Variants in MCC observed in about 807,000 individuals in gnomAD.
The protein encoded by MCC is MCC regulator of Wnt signaling pathway, also known as colorectal mutant cancer protein.
Under a neutral mutation model 116.2 loss-of-function variants are expected in MCC, and 90 were observed. The observed-to-expected ratio is 0.77, with a 90% CI of 0.65 to 0.92. The LOEUF (loss-of-function observed/expected upper bound fraction) is 0.92, where lower values mean the gene tolerates loss of function less well. MCC is among the 40% of genes least tolerant of loss of function. The probability of loss-of-function intolerance (pLI) is 0.00; values close to 1 mark genes in which losing one functional copy is unlikely to be tolerated. For synonymous variants in MCC, 578 were observed against 510.5 expected, an observed-to-expected ratio of 1.13 and a Z score of -1.78; for missense variants, 1,516 against 1,312.2, an observed-to-expected ratio of 1.16 and a Z score of -2.40.
At chr5:113,114,921 G>T (rs192394204) in intron 6 of MCC, among the ~76,000 whole-genome samples, 2 of 151,092 alleles carry the variant, frequency 1.3e-5, no homozygotes, top group South Asian at 4.1e-4. Context: ...GGTGCCATGG[G>T]CGCAGATGCT....
intron 1 of MCC, among the ~76,000 whole-genome samples, chr5:113,418,297 GAAAGA>G (rs1462501893): frequency 1.3e-5 from 2 of 150,802 alleles, no homozygotes; most frequent in South Asian, 2.1e-4. Flanking sequence ...AAATAAAAAA[GAAAGA>G]AAAGAAAAAA....
chr5:113,385,307 A>G, intron 1 of MCC, 95 bp from the exon 2 acceptor site: 1 of 1,235,218 alleles, frequency 8.1e-7, no homozygotes, highest in Non-Finnish European at 1.1e-6. Context: ...TCTTAAATAT[A>G]TTCACATACT....
chr5:113,027,295 G>A lies in MCC; in HGVS notation c.*7C>T, dbSNP rs1561727455. On this transcript the variant is annotated 3_prime_UTR_variant, in exon 19 of 19. Coordinates refer to ENST00000408903, the MANE Select transcript of MCC (RefSeq NM_001085377.2). The stretch of plus-strand genomic sequence containing the variant: ...CCATGGGCAGAACTCCGGTGCGTGA[G>A]TGCTGATTAAAGCGAAGTTTCATTG... The A allele has an allele frequency of 6.2e-7, 1 of 1,613,956 alleles. No individual in the cohort carries two copies. Among genetic ancestry groups the A allele is most frequent in the Middle Eastern group, 1.7e-4 (1 of 6,060 alleles).
At chr5:113,231,538 T>C (rs922778192) in intron 3 of MCC, among the ~76,000 whole-genome samples, 1 of 152,202 alleles carries the variant, frequency 6.6e-6, no homozygotes, top group African/African-American at 2.4e-5. Context: ...CCATTAGTCA[T>C]GGCTGTCTCC....
chr5:113,085,637 G>A (rs572624870), intron 8 of MCC, among the ~76,000 whole-genome samples: 1 of 152,124 alleles, frequency 6.6e-6, no homozygotes, highest in Non-Finnish European at 1.5e-5. Context: ...TCACAAGCAT[G>A]AGGTGAACAT....
intron 2 of MCC, among the ~76,000 whole-genome samples, chr5:113,381,163 G>A (rs1327736843): frequency 6.6e-6 from 1 of 152,230 alleles, no homozygotes; most frequent in Non-Finnish European, 1.5e-5. Context: ...TGGCAGGAGA[G>A]CAAAGGAAGT....
intron 4 of MCC, among the ~76,000 whole-genome samples, chr5:113,149,106 A>T (rs1419053592): frequency 6.6e-6 from 1 of 152,148 alleles, no homozygotes; most frequent in Non-Finnish European, 1.5e-5. Context: ...TGCATTCACA[A>T]TTTTCTTTTT....
chr5:113,389,918 T>C (rs575836627), intron 1 of MCC, among the ~76,000 whole-genome samples: 137 of 152,272 alleles, frequency 9.0e-4, no homozygotes, highest in African/African-American at 3.2e-3. Flanking sequence ...GAAGGACCAA[T>C]GGCCTCCATA....
intron 1 of MCC, among the ~76,000 whole-genome samples, chr5:113,402,219 G>A (rs970347725): frequency 4.6e-5 from 7 of 151,422 alleles, no homozygotes; most frequent in South Asian, 2.1e-4. Flanking sequence ...GCGTGAACCC[G>A]GGAGGCGGAG....
chr5:113,155,349 G>A (rs1760113524), intron 3 of MCC, among the ~76,000 whole-genome samples: 1 of 152,174 alleles, frequency 6.6e-6, no homozygotes. Context: ...TAAACATGGG[G>A]ATACAGGTGT....
intron 6 of MCC, among the ~76,000 whole-genome samples, chr5:113,117,163 G>A (rs1050538739): frequency 6.6e-6 from 1 of 152,182 alleles, no homozygotes; most frequent in Admixed American, 6.5e-5. Flanking sequence ...GGCAGAGGCA[G>A]GGCTGCCTTT....
In MCC at chr5:113,294,352, C is replaced by T. The variant is rs758342774; in HGVS notation, c.627+46167G>A. On this transcript the variant is annotated intron_variant, in intron 3 of 18. Transcript: ENST00000408903. ...ACCTCACTCAGCTCGGCCGAGGAGT[C>T]GTTTCCATATTTCATGGCAACTCCG... 5 of 1,613,838 alleles carry T rather than the reference C, an allele frequency of 3.1e-6. No individual in the cohort carries two copies. In the African/African-American group the frequency reaches 5.3e-5, roughly 17 times the overall value.
intron 2 of MCC, among the ~76,000 whole-genome samples, chr5:113,370,854 T>C (rs1445117002): frequency 2.0e-5 from 3 of 152,210 alleles, no homozygotes. Flanking sequence ...CTTAGAGACC[T>C]AAATTCTAAG....
intron 2 of MCC, among the ~76,000 whole-genome samples, chr5:113,363,581 G>C (rs1221355141): frequency 1.3e-5 from 2 of 152,146 alleles, no homozygotes; most frequent in East Asian, 1.9e-4. Context: ...CCATTCATAA[G>C]AACTCTGCCC....
At chr5:113,263,295 G>T (rs944344934) in intron 3 of MCC, among the ~76,000 whole-genome samples, 1 of 152,178 alleles carries the variant, frequency 6.6e-6, no homozygotes. Context: ...CCCTTAATGG[G>T]AATGGAAGCC....
chr5:113,459,014 A>G (rs1315098645), intron 1 of MCC, among the ~76,000 whole-genome samples: 1 of 152,140 alleles, frequency 6.6e-6, no homozygotes, highest in African/African-American at 2.4e-5. Context: ...TAACCTTGCC[A>G]GACACCAGCC....
chr5:113,233,059 CCAGCAGG>C (rs140374879), intron 3 of MCC, among the ~76,000 whole-genome samples: 1,569 of 152,258 alleles, frequency 0.01, 32 homozygotes, highest in African/African-American at 0.036. Flanking sequence ...AGCAAAGCAG[CCAGCAGG>C]CAGGCAGTGC....
chr5:113,257,334 G>C (rs1406731188), intron 3 of MCC, among the ~76,000 whole-genome samples: 2 of 152,124 alleles, frequency 1.3e-5, no homozygotes, highest in Admixed American at 1.3e-4. Context: ...AGGAAATCAG[G>C]AGAGAGAGGT....
chr5:113,294,413 G>A, intron 3 of MCC: 1 of 1,613,274 alleles, frequency 6.2e-7, no homozygotes, highest in South Asian at 1.1e-5. Context: ...TGGGCTCTCA[G>A]TCCCCCAGGT....
Sources: gnomAD v4.1 joint callset for allele counts (sites outside exome capture counted in the v4.1 genomes callset) on GRCh38, gnomAD v4.1.1 for gene constraint, MANE v1.5 for transcripts, NCBI Gene and HGNC (gene_info 2026-07-23, HGNC 2026-07-21) for gene names.